NSMAF: variants seen among roughly 807,000 people sequenced by gnomAD.
The protein encoded by NSMAF is neutral sphingomyelinase activation associated factor, also known as protein FAN.
Under a neutral mutation model 134.9 loss-of-function variants are expected in NSMAF, and 90 were observed. The ratio of observed to expected loss-of-function variants is 0.67; its 90% CI spans 0.56 to 0.79. The LOEUF is 0.79. Ranked by LOEUF, NSMAF falls within the 30% of genes least tolerant of loss-of-function variation. NSMAF has a pLI of 0.00. For missense variants in NSMAF, 1,010 were observed against 1,119.0 expected (o/e 0.90, Z 1.39); for synonymous variants, 358 against 389.6 (o/e 0.92, Z 0.96).
intron 9 of NSMAF, among the ~76,000 whole-genome samples, chr8:58,612,643 G>C (rs777284472): frequency 3.9e-5 from 6 of 152,162 alleles, no homozygotes; most frequent in Non-Finnish European, 7.3e-5. Flanking sequence ...GGAGGTGAGG[G>C]GGGCAGCCTT....
chr8:58,657,294 C>A lies in NSMAF; in HGVS notation c.59+2279G>T, dbSNP rs541710986. 2.0e-5 allele frequency among the ~76,000 whole-genome samples: 3 copies of A among 152,248 alleles called. No individual in the cohort carries two copies. The East Asian group carries it at 5.8e-4, about 29-fold the overall frequency. Reference sequence around the variant, plus strand: ...CTTTTCTGGGGTCAATATTTGGTAGCTCTGGAAATCTAAAATCCCTTAATT... The same window carrying A: ...CTTTTCTGGGGTCAATATTTGGTAGATCTGGAAATCTAAAATCCCTTAATT... On this transcript the variant is annotated intron_variant, in intron 1 of 30. Transcript: ENST00000038176.
At chr8:58,593,619 T>C (rs918531380) in intron 23 of NSMAF, among the ~76,000 whole-genome samples, 1 of 152,132 alleles carries the variant, frequency 6.6e-6, no homozygotes, top group African/African-American at 2.4e-5. Flanking sequence ...GGCCAAGACA[T>C]ACTTTAATGA....
chr8:58,587,623 C>T lies in NSMAF; in HGVS notation c.2290G>A (p.Val764Ile). 1.2e-6 allele frequency: 2 copies of T among 1,614,010 alleles called. No individual in the cohort carries two copies. The highest frequency in any genetic ancestry group is 1.7e-6 in the Non-Finnish European group (2 of 1,179,862). The change falls in exon 27 of 31, where the codon GTC becomes ATC. Residue 764 changes from valine to isoleucine, a missense_variant. By Grantham distance (29) the Val-to-Ile change is conservative. Transcript: ENST00000038176. ...AGTTTGTTGCTGGTACTCACACTGA[C>T]ATCATGTTCCAGCTCGGCCAGCAAG... Reference protein sequence around the residue: ...FDLLAELEHDVSVDTISLNAA... With the variant: ...FDLLAELEHDISVDTISLNAA...
At chr8:58,610,446 C>T (rs547850232) in intron 9 of NSMAF, among the ~76,000 whole-genome samples, 9 of 152,176 alleles carry the variant, frequency 5.9e-5, no homozygotes, top group Non-Finnish European at 1.3e-4. Flanking sequence ...AGAGGAAGAT[C>T]TCCACCTCAA....
intron 6 of NSMAF, among the ~76,000 whole-genome samples, chr8:58,626,161 C>T (rs12171670): frequency 0.32 from 46,153 of 144,100 alleles, 7,618 homozygotes; most frequent in Non-Finnish European, 0.36. Flanking sequence ...TGCAGTGGCG[C>T]GATCTTGGCT....
Position 58,597,840 on chromosome 8 carries a change from C to A in NSMAF, c.1628+20G>T, listed in dbSNP as rs181721905. On this transcript the variant is annotated intron_variant, in intron 20 of 30. Transcript: ENST00000038176. ...ATATCTTATAACTCAAGTAGAAACTCCTTATTGACATATAAGTACCTGTTC... is the reference window on the plus strand; with the variant it reads ...ATATCTTATAACTCAAGTAGAAACTACTTATTGACATATAAGTACCTGTTC... 2,444 of 1,527,270 alleles carry A rather than the reference C, an allele frequency of 1.6e-3. 17 individuals carry two copies. The highest frequency in any genetic ancestry group is 9.0e-4 in the Non-Finnish European group (992 of 1,104,160). The allele number at this position is 1,527,270 out of a possible 1,614,324, so 94.6% of individuals were successfully genotyped here.
At chr8:58,598,097 T>C (rs543775247) in intron 19 of NSMAF, among the ~76,000 whole-genome samples, 195 bp from the exon 20 acceptor site, 1 of 152,312 alleles carries the variant, frequency 6.6e-6, no homozygotes, top group East Asian at 1.9e-4. Context: ...AATCTACTTG[T>C]CAGGTAGAGG....
chr8:58,637,293 A>G, intron 2 of NSMAF: 2 of 455,782 alleles, frequency 4.4e-6, no homozygotes, highest in Admixed American at 4.7e-5. Flanking sequence ...CTGACTTAGA[A>G]TCAGCAATTT....
intron 1 of NSMAF, among the ~76,000 whole-genome samples, chr8:58,643,537 T>C (rs1247049891): frequency 6.7e-6 from 1 of 149,628 alleles, no homozygotes; most frequent in African/African-American, 2.4e-5. Flanking sequence ...GACAGATCTT[T>C]TTTTTTTTTT....
intron 6 of NSMAF, among the ~76,000 whole-genome samples, chr8:58,627,882 C>A (rs1806972196): frequency 6.6e-6 from 1 of 152,072 alleles, no homozygotes; most frequent in Admixed American, 6.6e-5. Flanking sequence ...CAATCAGAAA[C>A]AATCCTAAAA....
chr8:58,595,521 G>A (rs1184644595), intron 22 of NSMAF, 39 bp downstream of exon 22: 2 of 1,435,916 alleles, frequency 1.4e-6, no homozygotes, highest in Non-Finnish European at 9.8e-7. Context: ...ACTTTTACCA[G>A]GACTATCAGC....
chr8:58,601,261 A>G, intron 16 of NSMAF, 24 bp downstream of exon 16: 1 of 1,588,276 alleles, frequency 6.3e-7, no homozygotes, highest in Non-Finnish European at 8.6e-7. Flanking sequence ...GTTAAAAATG[A>G]TAAGCAAGGC....
chr8:58,593,758 G>A (rs1195795131), intron 23 of NSMAF, among the ~76,000 whole-genome samples: 5 of 152,212 alleles, frequency 3.3e-5, no homozygotes, highest in Non-Finnish European at 5.9e-5. Flanking sequence ...TAATGTATAA[G>A]CATATTAAAT....
At chr8:58,659,301 C>T in intron 1 of NSMAF, 1 of 1,525,200 alleles carries the variant, frequency 6.6e-7, no homozygotes. Context: ...TGCCGGATAG[C>T]TCGGCATGCC....
chr8:58,597,093 A>AG (rs1806153804), intron 21 of NSMAF, among the ~76,000 whole-genome samples: 1 of 152,230 alleles, frequency 6.6e-6, no homozygotes, highest in Non-Finnish European at 1.5e-5. Context: ...ATCAAACACC[A>AG]GCTTCAAAAC....
At chr8:58,588,757 TTTGTCATC>T (rs1805953651) in intron 26 of NSMAF, 1 of 1,325,018 alleles carries the variant, frequency 7.5e-7, no homozygotes, top group Non-Finnish European at 1.1e-6. Flanking sequence ...CCTTCTTTTC[TTTGTCATC>T]TTGGAGGCAC....
chr8:58,609,619 G>A lies in NSMAF; in HGVS notation c.672C>T (p.Pro224=), dbSNP rs138504485. The part of the protein sequence containing the change: ...CITDTNLYFQ[P]LNGYPKPVVQ... ...GTCTACACACCGGGTAGCCGTTGAG[G>A]GGCTGAAAATACAGGTTTGTGTCCG... is the stretch of plus-strand genomic sequence containing the variant. The change falls in exon 10 of 31, where the codon CCC becomes CCT. Residue 224 remains proline (P), a synonymous_variant. Coordinates refer to ENST00000038176, the MANE Select transcript of NSMAF (RefSeq NM_003580.4). 1.1e-5 allele frequency: 18 copies of A among 1,614,000 alleles called. No individual in the cohort carries two copies. In the African/African-American group the frequency reaches 2.3e-4, roughly 20 times the overall value.
intron 1 of NSMAF, among the ~76,000 whole-genome samples, chr8:58,655,801 G>A (rs534373559): frequency 2.0e-5 from 3 of 151,864 alleles, no homozygotes; most frequent in African/African-American, 7.2e-5. Flanking sequence ...CAGCTACTCG[G>A]GAGGCTGAGG....
chr8:58,596,576 A>G (rs1806139800), intron 21 of NSMAF, among the ~76,000 whole-genome samples: 1 of 152,172 alleles, frequency 6.6e-6, no homozygotes, highest in Admixed American at 6.5e-5. Context: ...TACCCTGTAA[A>G]TGTTTGTCAA....
Sources: gnomAD v4.1 joint callset for allele counts (sites outside exome capture counted in the v4.1 genomes callset) on GRCh38, gnomAD v4.1.1 for gene constraint, MANE v1.5 for transcripts, NCBI Gene and HGNC (gene_info 2026-07-23, HGNC 2026-07-21) for gene names.